IQGAP1: variants seen among roughly 807,000 people sequenced by gnomAD.
IQGAP1 encodes ras GTPase-activating-like protein IQGAP1.
In IQGAP1, 66 loss-of-function variants were observed where a neutral mutation model predicts 215.6. That is an observed-to-expected ratio of 0.31 (90% CI 0.25 to 0.38). The LOEUF (loss-of-function observed/expected upper bound fraction) is 0.38, where lower values mean the gene tolerates loss of function less well. IQGAP1 is among the 10% of genes least tolerant of loss of function. The pLI is 1.00. For missense variants in IQGAP1, 1,712 were observed against 1,997.1 expected (o/e 0.86, Z 2.72); for synonymous variants, 772 against 728.7 (o/e 1.06, Z -0.96).
intron 7 of IQGAP1, among the ~76,000 whole-genome samples, chr15:90,440,964 G>A (rs1032984872): frequency 2.6e-5 from 4 of 152,038 alleles, no homozygotes; most frequent in African/African-American, 7.2e-5. Context: ...AAATTTAGCC[G>A]GGCATGGTGG....
intron 4 of IQGAP1, among the ~76,000 whole-genome samples, chr15:90,432,222 C>T (rs543200808): frequency 6.6e-6 from 1 of 152,242 alleles, no homozygotes; most frequent in East Asian, 1.9e-4. Context: ...ACTTCCCTTC[C>T]TCTATAATAA....
At chr15:90,488,233 T>A (rs1966155765) in intron 33 of IQGAP1, among the ~76,000 whole-genome samples, 1 of 141,268 alleles carries the variant, frequency 7.1e-6, no homozygotes, top group Non-Finnish European at 1.6e-5. Flanking sequence ...AAAATAATAA[T>A]AAATAAATAA....
chr15:90,417,821 G>A (rs540059742), intron 2 of IQGAP1, among the ~76,000 whole-genome samples: 3 of 152,224 alleles, frequency 2.0e-5, no homozygotes, highest in East Asian at 3.9e-4. Context: ...CCATTTTCAC[G>A]ATATTGATTC....
chr15:90,456,086 C>T (rs2151024908), intron 14 of IQGAP1, 66 bp from the exon 15 acceptor site: 3 of 1,372,366 alleles, frequency 2.2e-6, no homozygotes, highest in East Asian at 4.7e-5. Context: ...TAGCATGTTC[C>T]ATGATTGATT....
chr15:90,433,887 T>C (rs1338674271), intron 5 of IQGAP1, 92 bp downstream of exon 5: 2 of 703,330 alleles, frequency 2.8e-6, no homozygotes, highest in East Asian at 5.5e-5. Flanking sequence ...AATGAAAAAG[T>C]TTTTTGATTA....
chr15:90,469,956 C>T (rs1965883492), intron 18 of IQGAP1, among the ~76,000 whole-genome samples: 1 of 152,108 alleles, frequency 6.6e-6, no homozygotes, highest in African/African-American at 2.4e-5. Flanking sequence ...GCCTAATGTG[C>T]TGTGCTAAGG....
Position 90,474,629 on chromosome 15 carries a change from A to C in IQGAP1, c.2720A>C (p.Glu907Ala), listed in dbSNP as rs1218498397. ...CTCATTCGTTCTAACCAGCAGCTGG[A>C]GAATGACCTCAATCTCATGGATATC... ...ITLIRSNQQL[E>A]NDLNLMDIKI... The change falls in exon 23 of 38, where the codon GAG becomes GCG. Residue 907 changes from glutamate to alanine, a missense_variant. Physicochemically the swap from Glu to Ala is moderately radical, Grantham distance 107. Transcript: ENST00000268182. The C allele has an allele frequency of 6.2e-7, 1 of 1,614,002 alleles. No individual in the cohort carries two copies. The highest frequency in any genetic ancestry group is 2.2e-5 in the East Asian group (1 of 44,892).
At chr15:90,433,531 T>TG (rs767053333) in intron 4 of IQGAP1, among the ~76,000 whole-genome samples, 188 bp from the exon 5 acceptor site, 26 of 152,224 alleles carry the variant, frequency 1.7e-4, no homozygotes, top group Non-Finnish European at 2.9e-4. Flanking sequence ...CTTTATTCCT[T>TG]GCAATTCTTA....
chr15:90,482,906 G>A (rs977363619), intron 28 of IQGAP1, among the ~76,000 whole-genome samples: 1 of 152,126 alleles, frequency 6.6e-6, no homozygotes, highest in East Asian at 1.9e-4. Flanking sequence ...GGGAGGTGGG[G>A]TTACTCTATG....
Position 90,411,921 on chromosome 15 carries a change from A to G in IQGAP1, c.156-14189A>G, listed in dbSNP as rs1964972004. 5.9e-5 allele frequency among the ~76,000 whole-genome samples: 9 copies of G among 152,296 alleles called. 1 individual carries two copies. In the South Asian group the frequency reaches 1.9e-3, roughly 32 times the overall value. ...TTAAACAAACGAAAAACTTTATTGG[A>G]GTTTAATACACATCCCACAAAATCC... On this transcript the variant is annotated intron_variant, in intron 2 of 37. Coordinates refer to ENST00000268182, the MANE Select transcript of IQGAP1 (RefSeq NM_003870.4).
Position 90,391,180 on chromosome 15 carries a change from G to A in IQGAP1, c.155+307G>A, listed in dbSNP as rs1964631144. The A allele has an allele frequency of 1.4e-4, 35 of 257,812 alleles. 1 individual carries two copies. Among genetic ancestry groups the A allele is most frequent in the Middle Eastern group, 1.4e-3 (1 of 690 alleles). 16.0% of individuals were successfully genotyped at this position (257,812 alleles called of 1,614,324 possible). A position where few individuals can be genotyped will look rare whatever the true frequency, so the allele number is the denominator to read the frequency against. The stretch of plus-strand genomic sequence containing the variant: ...TTGAGTCCGGGAGGTCGAGGCAGCA[G>A]TGAGCCGTGCTCTCACCACTGTGCT... On this transcript the variant is annotated intron_variant, in intron 2 of 37. Coordinates refer to ENST00000268182, the MANE Select transcript of IQGAP1 (RefSeq NM_003870.4).
At chr15:90,466,138 C>T (rs1965827581) in intron 16 of IQGAP1, 47 bp downstream of exon 16, 1 of 1,590,902 alleles carries the variant, frequency 6.3e-7, no homozygotes, top group Non-Finnish European at 8.6e-7. Context: ...GCTGGGGTGA[C>T]AAGGTGCTCC....
chr15:90,391,051 C>T (rs1319331926), intron 2 of IQGAP1, 178 bp downstream of exon 2: 1 of 518,862 alleles, frequency 1.9e-6, no homozygotes, highest in African/African-American at 1.9e-5. Context: ...GATTGGGCAA[C>T]ATAGTGACAC....
intron 9 of IQGAP1, 32 bp downstream of exon 9, chr15:90,443,510 G>A (rs1226665460): frequency 8.3e-7 from 1 of 1,205,836 alleles, no homozygotes; most frequent in Non-Finnish European, 1.2e-6. Flanking sequence ...GCACCTAAAG[G>A]GATATTATAA....
At chr15:90,423,482 C>G (rs926638757) in intron 2 of IQGAP1, among the ~76,000 whole-genome samples, 2 of 152,158 alleles carry the variant, frequency 1.3e-5, no homozygotes, top group Non-Finnish European at 2.9e-5. Flanking sequence ...TTCGGCCTGC[C>G]TTGGCCTCCC....
intron 2 of IQGAP1, among the ~76,000 whole-genome samples, chr15:90,406,922 A>T (rs76117737): frequency 6.6e-6 from 1 of 152,196 alleles, no homozygotes; most frequent in Non-Finnish European, 1.5e-5. Flanking sequence ...TCATTAACTC[A>T]TTAGTAGATA....
chr15:90,474,211 T>C, intron 22 of IQGAP1, 78 bp downstream of exon 22: 1 of 1,296,242 alleles, frequency 7.7e-7, no homozygotes, highest in Non-Finnish European at 1.1e-6. Flanking sequence ...CACAGACCTC[T>C]TTTGTTATCC....
Position 90,486,455 on chromosome 15 carries a change from G to C in IQGAP1, c.4024+323G>C, listed in dbSNP as rs140847941. 3 of 221,510 alleles carry C rather than the reference G, an allele frequency of 1.4e-5. No homozygotes were observed. In the Admixed American group the frequency reaches 1.6e-4, roughly 12 times the overall value. The allele number at this position is 221,510 out of a possible 1,614,324, so 13.7% of individuals were successfully genotyped here. A position where few individuals can be genotyped will look rare whatever the true frequency, so the allele number is the denominator to read the frequency against. ...AAGGAAAGAATTTTTTTGTTTGTTT[G>C]TTATGAGACAGGGTCTCCCTCTGTT... On this transcript the variant is annotated intron_variant, in intron 31 of 37. Coordinates refer to ENST00000268182, the MANE Select transcript of IQGAP1 (RefSeq NM_003870.4).
chr15:90,444,045 C>G (rs184254895), intron 9 of IQGAP1, among the ~76,000 whole-genome samples: 275 of 150,688 alleles, frequency 1.8e-3, no homozygotes, highest in South Asian at 2.9e-3. Context: ...GACTGGGCAA[C>G]AGTGAGACTC....
Sources: allele counts gnomAD v4.1 joint callset (sites outside exome capture counted in the v4.1 genomes callset), GRCh38; gene constraint gnomAD v4.1.1; transcripts MANE v1.5; gene names NCBI Gene and HGNC (gene_info 2026-07-23, HGNC 2026-07-21).